TSC22D1: variants seen among roughly 807,000 people sequenced by gnomAD.
TSC22D1 encodes the protein TSC22 domain family member 1.
In TSC22D1, 9 loss-of-function variants were observed where a neutral mutation model predicts 74.2. The observed-to-expected ratio is 0.12, with a 90% CI of 0.07 to 0.21. TSC22D1 has a LOEUF of 0.21. TSC22D1 is among the 10% of genes least tolerant of loss of function. The probability of loss-of-function intolerance (pLI) is 1.00; values close to 1 mark genes in which losing one functional copy is unlikely to be tolerated. For missense variants in TSC22D1, 1,427 were observed against 1,304.7 expected (o/e 1.09, Z -1.44); for synonymous variants, 586 against 492.5 (o/e 1.19, Z -2.51).
intron 1 of TSC22D1, among the ~76,000 whole-genome samples, chr13:44,446,100 A>C (rs1371171449): frequency 6.6e-6 from 1 of 152,262 alleles, no homozygotes; most frequent in African/African-American, 2.4e-5. Flanking sequence ...TCCAAACTGG[A>C]AACAAACCAA....
chr13:44,559,259 A>G (rs1041362858), intron 1 of TSC22D1, among the ~76,000 whole-genome samples: 3 of 152,202 alleles, frequency 2.0e-5, no homozygotes, highest in Admixed American at 6.5e-5. Context: ...CTATAGCCCA[A>G]ACCAGGGATT....
At chr13:44,513,376 TAA>T (rs1879828030) in intron 1 of TSC22D1, among the ~76,000 whole-genome samples, 2 of 152,230 alleles carry the variant, frequency 1.3e-5, no homozygotes, top group Non-Finnish European at 2.9e-5. Context: ...CAAACATATA[TAA>T]ATGTTTTTGG....
intron 1 of TSC22D1, among the ~76,000 whole-genome samples, chr13:44,473,356 A>G (rs1339753607): frequency 6.6e-6 from 1 of 152,018 alleles, no homozygotes; most frequent in African/African-American, 2.4e-5. Context: ...TTAGCTGGGC[A>G]TGGTGGCACA....
intron 1 of TSC22D1, among the ~76,000 whole-genome samples, chr13:44,442,459 T>C (rs1033492851): frequency 5.3e-5 from 8 of 151,984 alleles, no homozygotes; most frequent in African/African-American, 1.9e-4. Flanking sequence ...GTGTGAGAAA[T>C]GTAAGAAAAC....
intron 1 of TSC22D1, among the ~76,000 whole-genome samples, chr13:44,551,310 G>GGTGTGTGTGTGTGTGTGT (rs370742852): frequency 7.5e-6 from 1 of 132,776 alleles, no homozygotes; most frequent in African/African-American, 2.9e-5. Flanking sequence ...ATCAGCTGGG[G>GGTGTGTGTGTGTGTGTGT]GTGTGTGTGT....
intron 1 of TSC22D1, among the ~76,000 whole-genome samples, chr13:44,494,281 C>A (rs559891442): frequency 5.4e-4 from 76 of 140,164 alleles, no homozygotes; most frequent in South Asian, 1.4e-3. Context: ...GAGGCTGAGG[C>A]AGGAGAATCG....
At chr13:44,526,027 G>A (rs1046174473) in intron 1 of TSC22D1, among the ~76,000 whole-genome samples, 7 of 152,042 alleles carry the variant, frequency 4.6e-5, no homozygotes, top group African/African-American at 1.4e-4. Flanking sequence ...TCTTGAGACC[G>A]GGAAGTGGAG....
At chr13:44,511,620 AC>A (rs1879721452) in intron 1 of TSC22D1, among the ~76,000 whole-genome samples, 2 of 12,276 alleles carry the variant, frequency 1.6e-4, no homozygotes, top group Admixed American at 3.1e-3. Context: ...AAAAAGAAAT[AC>A]ACACACACAC....
chr13:44,468,184 G>A (rs1877403511), intron 1 of TSC22D1, among the ~76,000 whole-genome samples: 1 of 152,128 alleles, frequency 6.6e-6, no homozygotes. Flanking sequence ...GGTATGCAAA[G>A]GCATACAGAG....
At chr13:44,485,458 A>T (rs1287555082) in intron 1 of TSC22D1, among the ~76,000 whole-genome samples, 3 of 152,172 alleles carry the variant, frequency 2.0e-5, no homozygotes, top group Non-Finnish European at 4.4e-5. Context: ...TAAGATTTTT[A>T]AATTAATCCC....
At chr13:44,451,335 G>A (rs560342111) in intron 1 of TSC22D1, 14 of 152,362 alleles carry the variant, frequency 9.2e-5, no homozygotes, top group African/African-American at 3.4e-4. Flanking sequence ...CTACTGCCAA[G>A]AGGGAGGGAC....
intron 1 of TSC22D1, among the ~76,000 whole-genome samples, chr13:44,518,001 C>T (rs1402047395): frequency 2.0e-5 from 3 of 147,006 alleles, no homozygotes; most frequent in Non-Finnish European, 4.5e-5. Context: ...GGGCTATAGA[C>T]GTGCACCACC....
chr13:44,436,440 T>C, intron 1 of TSC22D1: 1 of 1,559,570 alleles, frequency 6.4e-7, no homozygotes, highest in African/African-American at 1.4e-5. Context: ...TGGCTATCTT[T>C]CACCTGTATT....
intron 1 of TSC22D1, chr13:44,436,805 T>C (rs1442979078): frequency 2.1e-6 from 3 of 1,401,240 alleles, no homozygotes; most frequent in Non-Finnish European, 2.8e-6. Flanking sequence ...CGGATCCCAG[T>C]GCCGTGAAGA....
At chr13:44,444,834 T>C (rs1019665009) in intron 1 of TSC22D1, among the ~76,000 whole-genome samples, 19 of 152,134 alleles carry the variant, frequency 1.2e-4, no homozygotes, top group Admixed American at 2.0e-4. Flanking sequence ...CAAATTCTTA[T>C]AAAGACACAA....
At chr13:44,478,719 A>T (rs934929598) in intron 1 of TSC22D1, among the ~76,000 whole-genome samples, 1 of 152,008 alleles carries the variant, frequency 6.6e-6, no homozygotes, top group African/African-American at 2.4e-5. Flanking sequence ...TGTTTACCAC[A>T]CTCTACCACG....
intron 1 of TSC22D1, among the ~76,000 whole-genome samples, chr13:44,476,083 T>C (rs911602774): frequency 6.6e-6 from 1 of 152,206 alleles, no homozygotes; most frequent in Non-Finnish European, 1.5e-5. Flanking sequence ...GTATCCCACA[T>C]TAGGTGGGGG....
chr13:44,434,341 A>C lies in TSC22D1; in HGVS notation c.*285T>G. 1.5e-6 allele frequency: 2 copies of C among 1,378,310 alleles called. No homozygotes were observed. The highest frequency in any genetic ancestry group is 1.9e-6 in the Non-Finnish European group (2 of 1,075,604). 85.4% of individuals were successfully genotyped at this position (1,378,310 alleles called of 1,614,324 possible). On this transcript the variant is annotated 3_prime_UTR_variant, in exon 3 of 3. Transcript: ENST00000458659. ...GGGATGGAAAGGCACACAGCTCCTG[A>C]GCATGAATTAAACCATTTCTCAGAT... is the stretch of plus-strand genomic sequence containing the variant.
chr13:44,437,175 C>T, intron 1 of TSC22D1: 7 of 985,514 alleles, frequency 7.1e-6, no homozygotes, highest in Non-Finnish European at 8.4e-6. Flanking sequence ...CACGTGCTTA[C>T]GTTTAAGGGA....
Sources: gnomAD v4.1 joint callset for allele counts (sites outside exome capture counted in the v4.1 genomes callset) on GRCh38, gnomAD v4.1.1 for gene constraint, MANE v1.5 for transcripts, NCBI Gene and HGNC (gene_info 2026-07-23, HGNC 2026-07-21) for gene names.